The following ZNF713 variants were observed in gnomAD, a reference collection of about 807,000 sequenced individuals.
ZNF713 encodes zinc finger protein 713.
Under a neutral mutation model 28.7 loss-of-function variants are expected in ZNF713, and 21 were observed. The ratio of observed to expected loss-of-function variants is 0.73; its 90% CI spans 0.52 to 1.05. The LOEUF is 1.05. Ranked by LOEUF, ZNF713 falls within the 50% of genes least tolerant of loss-of-function variation. The pLI is 0.00. For missense variants in ZNF713, 458 were observed against 532.4 expected (o/e 0.86, Z 1.37); for synonymous variants, 167 against 178.0 (o/e 0.94, Z 0.49).
chr7:55,920,772 A>G (rs936074884), intron 4 of ZNF713, among the ~76,000 whole-genome samples: 1 of 151,466 alleles, frequency 6.6e-6, no homozygotes, highest in African/African-American at 2.4e-5. Context: ...TTATTTATTT[A>G]TTTATTTATT....
chr7:55,910,856 C>T (rs992765435), intron 2 of ZNF713, among the ~76,000 whole-genome samples: 2 of 152,178 alleles, frequency 1.3e-5, no homozygotes, highest in Admixed American at 1.3e-4. Context: ...CTTCCCTCAG[C>T]CTTCCCCTCC....
intron 6 of ZNF713, chr7:55,924,509 G>T (rs1283218517): frequency 1.3e-5 from 2 of 152,174 alleles, no homozygotes; most frequent in Admixed American, 1.3e-4. Flanking sequence ...GTGCTTTTAA[G>T]TAGTCCTTCT....
chr7:55,939,736 C>CACATCCCTTACTGA lies in ZNF713; in HGVS notation c.1068_1081dup (p.His361ProfsTer30). ...AATGTGGTAAAGCTTTTAGCCGCAT[C>CACATCCCTTACTGA]ACATCCCTTACTGAACATCATAGAC... On this transcript the variant is annotated frameshift_variant, in exon 7 of 7. Transcript: ENST00000429591. LOFTEE classifies it high-confidence loss of function. The CACATCCCTTACTGA allele has an allele frequency of 6.2e-7, 1 of 1,614,184 alleles. No individual in the cohort carries two copies. Among genetic ancestry groups the CACATCCCTTACTGA allele is most frequent in the Non-Finnish European group, 8.5e-7 (1 of 1,180,036 alleles).
chr7:55,912,471 C>T lies in ZNF713; in HGVS notation c.-2-164C>T, dbSNP rs80319566. ...AGACAGACAGTTCTGCATTGAATTCCCGAACTCCTGAACATCATAGAAGAG... is the reference window on the plus strand; with the variant it reads ...AGACAGACAGTTCTGCATTGAATTCTCGAACTCCTGAACATCATAGAAGAG... On this transcript the variant is annotated intron_variant, in intron 3 of 6. Coordinates refer to ENST00000429591, the MANE Select transcript of ZNF713 (RefSeq NM_182633.3). 1.9e-3 allele frequency among the ~76,000 whole-genome samples: 283 copies of T among 152,286 alleles called. 2 individuals are homozygous for T. The highest frequency in any genetic ancestry group is 6.5e-3 in the African/African-American group (271 of 41,550).
At chr7:55,896,184 A>G (rs1286647575) in intron 1 of ZNF713, among the ~76,000 whole-genome samples, 1 of 152,240 alleles carries the variant, frequency 6.6e-6, no homozygotes, top group African/African-American at 2.4e-5. Flanking sequence ...ACAATAAAAA[A>G]TAGAGGAGAG....
In ZNF713 at chr7:55,887,586, C is replaced by T. The variant is rs2116139997; in HGVS notation, c.-677C>T. The stretch of plus-strand genomic sequence containing the variant: ...GCTGCGGGGCCCTCGGCACCTTCTC[C>T]CTCCCGGGTCCACCGCGGCGGCGGC... On this transcript the variant is annotated 5_prime_UTR_variant, in exon 1 of 7. Coordinates refer to ENST00000429591, the MANE Select transcript of ZNF713 (RefSeq NM_182633.3). 5.4e-6 allele frequency: 1 copy of T among 184,584 alleles called. No homozygotes were observed. The highest frequency in any genetic ancestry group is 1.6e-4 in the East Asian group (1 of 6,442). The allele number at this position is 184,584 out of a possible 1,614,324, so 11.4% of individuals were successfully genotyped here. A position where few individuals can be genotyped will look rare whatever the true frequency, so the allele number is the denominator to read the frequency against.
chr7:55,931,267 CAA>C (rs943437085), intron 6 of ZNF713, among the ~76,000 whole-genome samples: 3 of 150,902 alleles, frequency 2.0e-5, no homozygotes, highest in Non-Finnish European at 2.9e-5. Context: ...GCCTGGGCAA[CAA>C]GAGCAAAACT....
intron 1 of ZNF713, among the ~76,000 whole-genome samples, chr7:55,904,090 C>A (rs1475297023): frequency 8.4e-6 from 1 of 118,614 alleles, no homozygotes; most frequent in African/African-American, 3.0e-5. Context: ...GAGACTAGAT[C>A]ACAGCTCCCT....
At chr7:55,925,382 G>A (rs1451384102) in intron 6 of ZNF713, among the ~76,000 whole-genome samples, 1 of 152,076 alleles carries the variant, frequency 6.6e-6, no homozygotes, top group Non-Finnish European at 1.5e-5. Flanking sequence ...CAACACTTTG[G>A]GAGGCCGAGG....
chr7:55,912,593 C>G, intron 3 of ZNF713, 42 bp from the exon 4 acceptor site: 1 of 1,420,256 alleles, frequency 7.0e-7, no homozygotes, highest in Non-Finnish European at 9.8e-7. Flanking sequence ...TTAAATTTAA[C>G]CTTCGTGTCA....
chr7:55,938,079 C>T (rs1048953541), intron 6 of ZNF713, among the ~76,000 whole-genome samples: 1 of 152,008 alleles, frequency 6.6e-6, no homozygotes, highest in Non-Finnish European at 1.5e-5. Context: ...TGGTACATAC[C>T]TGTAATCCCA....
chr7:55,917,047 T>C (rs1419972208), intron 4 of ZNF713, among the ~76,000 whole-genome samples: 5 of 152,044 alleles, frequency 3.3e-5, no homozygotes, highest in African/African-American at 1.2e-4. Flanking sequence ...ACCCCGTCTC[T>C]ACTAAAAATA....
At chr7:55,937,348 G>A (rs1786373767) in intron 6 of ZNF713, among the ~76,000 whole-genome samples, 1 of 152,014 alleles carries the variant, frequency 6.6e-6, no homozygotes, top group South Asian at 2.1e-4. Flanking sequence ...TACAGTGAGT[G>A]AGTGAGGGCA....
intron 6 of ZNF713, among the ~76,000 whole-genome samples, chr7:55,926,329 C>CT (rs1355213998): frequency 6.6e-6 from 1 of 152,124 alleles, no homozygotes; most frequent in African/African-American, 2.4e-5. Context: ...AAAAAGAAAA[C>CT]TTCCAAATTT....
intron 4 of ZNF713, among the ~76,000 whole-genome samples, chr7:55,919,446 G>T (rs1293276593): frequency 7.2e-6 from 1 of 138,750 alleles, no homozygotes; most frequent in Admixed American, 7.3e-5. Flanking sequence ...TATGGGTGTG[G>T]CATTTGTATT....
In ZNF713 at chr7:55,939,378, A is replaced by G. The variant is rs764973452; in HGVS notation, c.704A>G (p.Tyr235Cys). 1.2e-6 allele frequency: 2 copies of G among 1,613,896 alleles called. No individual in the cohort carries two copies. The highest frequency in any genetic ancestry group is 1.7e-6 in the Non-Finnish European group (2 of 1,180,028). ...GGAAATTATGTAAGAGAGACTCCCT[A>G]TGAATATAGTGAGTGTGGAAAAATC... Reference protein sequence around the residue: ...YQGNYVRETPYEYSECGKIFN... With the variant: ...YQGNYVRETPCEYSECGKIFN... Residue 235 changes from tyrosine to cysteine, a missense_variant, in exon 7 of 7, where the codon TAT (tyrosine) becomes TGT (cysteine). Physicochemically the swap from Tyr to Cys is radical, Grantham distance 194. Coordinates refer to ENST00000429591, the MANE Select transcript of ZNF713 (RefSeq NM_182633.3).
rs540817136 is a variant in ZNF713, at chr7:55,940,416, G to A, written c.*410G>A. 5.8e-4 allele frequency: 577 copies of A among 988,834 alleles called. 1 individual carries two copies. Among genetic ancestry groups the A allele is most frequent in the Admixed American group, 2.9e-3 (49 of 16,618 alleles). The allele number at this position is 988,834 out of a possible 1,614,324, so 61.3% of individuals were successfully genotyped here. A position where few individuals can be genotyped will look rare whatever the true frequency, so the allele number is the denominator to read the frequency against. ...TGGGATTACAGGCGTGGGCCACTGC[G>A]CCTGGCCATAAACTTTCAATGCGTA... On this transcript the variant is annotated 3_prime_UTR_variant, in exon 7 of 7. Transcript: ENST00000429591.
At chr7:55,901,275 T>C (rs909905053) in intron 1 of ZNF713, among the ~76,000 whole-genome samples, 2 of 152,088 alleles carry the variant, frequency 1.3e-5, no homozygotes, top group Admixed American at 1.3e-4. Flanking sequence ...AGAGAGCTTA[T>C]GCAGAGAAAC....
intron 4 of ZNF713, among the ~76,000 whole-genome samples, chr7:55,916,623 A>G (rs1341269827): frequency 6.6e-6 from 1 of 152,228 alleles, no homozygotes; most frequent in Non-Finnish European, 1.5e-5. Flanking sequence ...CTGAATAACC[A>G]TTCATTAAAC....
Sources: gnomAD v4.1 joint callset for allele counts (sites outside exome capture counted in the v4.1 genomes callset) on GRCh38, gnomAD v4.1.1 for gene constraint, MANE v1.5 for transcripts, NCBI Gene and HGNC (gene_info 2026-07-23, HGNC 2026-07-21) for gene names.